The following MYO1F variants were observed in gnomAD, a reference collection of about 807,000 sequenced individuals.
The protein encoded by MYO1F is myosin IF, also known as unconventional myosin-If.
MYO1F carries 60 observed loss-of-function variants against 146.6 expected under a neutral mutation model. That is an observed-to-expected ratio of 0.41 (90% CI 0.33 to 0.51). The LOEUF is 0.51. Ranked by LOEUF, MYO1F falls within the 20% of genes least tolerant of loss-of-function variation. The probability of loss-of-function intolerance (pLI) is 0.25; values close to 1 mark genes in which losing one functional copy is unlikely to be tolerated. For synonymous variants in MYO1F, 602 were observed against 602.1 expected, an observed-to-expected ratio of 1.00 and a Z score of 0.00; for missense variants, 1,274 against 1,534.3, an observed-to-expected ratio of 0.83 and a Z score of 2.83.
At chr19:8,570,119 C>G (rs1169535099) in intron 1 of MYO1F, among the ~76,000 whole-genome samples, 3 of 151,608 alleles carry the variant, frequency 2.0e-5, no homozygotes, top group Non-Finnish European at 4.4e-5. Context: ...GTTGTTCAGG[C>G]TGGAGTGCAG....
Position 8,521,611 on chromosome 19 carries a change from G to GA in MYO1F, c.3221-8dup. On this transcript the variant is annotated splice_polypyrimidine_tract_variant and splice_region_variant and intron_variant, in intron 27 of 27. Coordinates refer to ENST00000644032, the MANE Select transcript of MYO1F (RefSeq NM_012335.4). The stretch of plus-strand genomic sequence containing the variant: ...TTCCACCAGCCCGAGGGATCTGTGG[G>GA]AGAGAGGAAAGCTTGAGGTGCCCCT... 1 of 1,613,944 alleles carries GA rather than the reference G, an allele frequency of 6.2e-7. No individual in the cohort carries two copies. The highest frequency in any genetic ancestry group is 1.1e-5 in the South Asian group (1 of 91,076).
chr19:8,546,662 G>A (rs1209232009), intron 12 of MYO1F, among the ~76,000 whole-genome samples: 1 of 151,682 alleles, frequency 6.6e-6, no homozygotes, highest in African/African-American at 2.4e-5. Flanking sequence ...GTCTGGCTCG[G>A]TCTGTCTCTC....
At chr19:8,549,828 T>C in intron 10 of MYO1F, 1 of 391,516 alleles carries the variant, frequency 2.6e-6, no homozygotes, top group South Asian at 2.5e-5. Flanking sequence ...AGAGACAGGG[T>C]CTTGCTCTGT....
At chr19:8,571,620 C>G (rs150668644) in intron 1 of MYO1F, among the ~76,000 whole-genome samples, 2 of 145,936 alleles carry the variant, frequency 1.4e-5, no homozygotes, top group Non-Finnish European at 3.0e-5. Context: ...TGTTTTGAGA[C>G]GGAGTCTTGC....
chr19:8,547,569 A>G (rs912784897), intron 12 of MYO1F, among the ~76,000 whole-genome samples: 11 of 148,156 alleles, frequency 7.4e-5, no homozygotes, highest in African/African-American at 2.8e-4. Flanking sequence ...ATGCCACTGC[A>G]CTCCAGCCTG....
At position 8,539,956 on chromosome 19, in the gene MYO1F, G is replaced by A; in HGVS notation, c.1683C>T (p.Ser561=). Residue 561 remains serine, a synonymous_variant, in exon 16 of 28, where the codon TCC becomes TCT. Transcript: ENST00000644032. ...DKKGRPSTAG[S]KIKKQANDLV... ...TACACCCCAGGCCCACCTTGATCTT[G>A]GAGCCGGCGGTGCTGGGGCGCCCCT... The A allele has an allele frequency of 1.2e-6, 2 of 1,612,620 alleles. No homozygotes were observed. Among genetic ancestry groups the A allele is most frequent in the Non-Finnish European group, 1.7e-6 (2 of 1,179,262 alleles).
chr19:8,522,512 C>G lies in MYO1F; in HGVS notation c.3085G>C (p.Val1029Leu). The change falls in exon 27 of 28, where the codon GTG becomes CTG. Residue 1029 changes from valine (V) to leucine (L), a missense_variant. Transcript: ENST00000644032. ...GGCTTGGGTCGGCCCACACCAGGCA[C>G]TGGCCGTTGCCCCACGCTGCGCTTC... ...QRKRSVGQRP[V>L]PGVGRPKPQP... 6.2e-7 allele frequency: 1 copy of G among 1,613,464 alleles called. No homozygotes were observed. Among genetic ancestry groups the G allele is most frequent in the Non-Finnish European group, 8.5e-7 (1 of 1,179,882 alleles).
At position 8,550,645 on chromosome 19, in the gene MYO1F, A is replaced by G; in HGVS notation, c.821T>C (p.Leu274Pro). ...GTGCAAGATCCCCGCCACGAGCTGCAGGACCAGCTGCTGGATGCTGGGCGG... is the reference window on the plus strand; with the variant it reads ...GTGCAAGATCCCCGCCACGAGCTGCGGGACCAGCTGCTGGATGCTGGGCGG... ...GIPPSIQQLV[L>P]QLVAGILHLG... The change falls in exon 9 of 28, where the codon CTG becomes CCG. Residue 274 changes from leucine (L) to proline (P), a missense_variant. Leu to Pro is a moderately conservative substitution (Grantham distance 98). Coordinates refer to ENST00000644032, the MANE Select transcript of MYO1F (RefSeq NM_012335.4). The G allele has an allele frequency of 1.2e-6, 2 of 1,614,164 alleles. No individual in the cohort carries two copies. The highest frequency in any genetic ancestry group is 1.7e-6 in the Non-Finnish European group (2 of 1,180,032).
chr19:8,538,248 G>A (rs1224254936), intron 16 of MYO1F, among the ~76,000 whole-genome samples: 1 of 151,736 alleles, frequency 6.6e-6, no homozygotes, highest in East Asian at 1.9e-4. Context: ...TTACAGGCTT[G>A]AGCCACTGTG....
chr19:8,522,861 TA>T, intron 25 of MYO1F, 32 bp from the exon 26 acceptor site: 3 of 1,527,376 alleles, frequency 2.0e-6, no homozygotes, highest in Non-Finnish European at 2.6e-6. Context: ...AGACATGTAT[TA>T]GGGTGATGCT....
chr19:8,544,472 G>A lies in MYO1F; in HGVS notation c.1357-8C>T. On this transcript the variant is annotated splice_region_variant and splice_polypyrimidine_tract_variant and intron_variant, in intron 13 of 27. Transcript: ENST00000644032. ...CATGATGCCTGGGGGGCTCTGCGGG[G>A]CGAGCGGGAGCCAGCAGCGGCTCAG... 1 of 1,605,380 alleles carries A rather than the reference G, an allele frequency of 6.2e-7. No individual in the cohort carries two copies. Among genetic ancestry groups the A allele is most frequent in the Non-Finnish European group, 8.5e-7 (1 of 1,179,356 alleles).
At chr19:8,529,509 A>G (rs1275736338) in intron 21 of MYO1F, among the ~76,000 whole-genome samples, 1 of 152,014 alleles carries the variant, frequency 6.6e-6, no homozygotes, top group Non-Finnish European at 1.5e-5. Context: ...ATCCCTGTAG[A>G]GAGCATGTAC....
At chr19:8,531,287 C>T (rs905601922) in intron 19 of MYO1F, among the ~76,000 whole-genome samples, 10 of 152,064 alleles carry the variant, frequency 6.6e-5, no homozygotes, top group South Asian at 2.1e-4. Context: ...TTGGAGGTTG[C>T]GGTGAGCTGA....
At chr19:8,542,604 CTTT>C (rs61078650) in intron 14 of MYO1F, among the ~76,000 whole-genome samples, 2 of 136,872 alleles carry the variant, frequency 1.5e-5, no homozygotes, top group Non-Finnish European at 3.2e-5. Flanking sequence ...TGTTTGTTTG[CTTT>C]TTTTTTTTTT....
At chr19:8,574,037 C>T (rs1006115532) in intron 1 of MYO1F, among the ~76,000 whole-genome samples, 20 of 152,096 alleles carry the variant, frequency 1.3e-4, no homozygotes, top group Admixed American at 7.2e-4. Context: ...AGCAAATGAA[C>T]GCTACTACCA....
chr19:8,525,711 C>T (rs1312129194), intron 24 of MYO1F, 149 bp from the exon 25 acceptor site: 2 of 751,746 alleles, frequency 2.7e-6, no homozygotes, highest in Non-Finnish European at 4.6e-6. Context: ...ACACTGGCTC[C>T]GCCCACTAAT....
chr19:8,525,813 G>C (rs1361044483), intron 24 of MYO1F, among the ~76,000 whole-genome samples: 2 of 152,126 alleles, frequency 1.3e-5, no homozygotes, highest in Non-Finnish European at 2.9e-5. Flanking sequence ...CCCAGTTCCA[G>C]GGTTGCCGCT....
intron 19 of MYO1F, among the ~76,000 whole-genome samples, chr19:8,533,378 G>T (rs1217371961): frequency 8.3e-6 from 1 of 120,824 alleles, no homozygotes; most frequent in Non-Finnish European, 1.7e-5. Context: ...TTTTTGAGAC[G>T]GAGTCTTGCT....
At chr19:8,534,895 G>A (rs1361770239) in intron 19 of MYO1F, among the ~76,000 whole-genome samples, 1 of 151,350 alleles carries the variant, frequency 6.6e-6, no homozygotes, top group Non-Finnish European at 1.5e-5. Flanking sequence ...AAAGTGTTGA[G>A]ATTATAGGCG....
Sources: allele counts gnomAD v4.1 joint callset (sites outside exome capture counted in the v4.1 genomes callset), GRCh38; gene constraint gnomAD v4.1.1; transcripts MANE v1.5; gene names NCBI Gene and HGNC (gene_info 2026-07-23, HGNC 2026-07-21).